The following ZNF345 variants were observed in gnomAD, a reference collection of about 807,000 sequenced individuals.
ZNF345 encodes zinc finger protein 345.
For synonymous variants in ZNF345, 166 were observed against 187.9 expected (o/e 0.88, Z 0.95); for missense variants, 527 against 589.9 (o/e 0.89, Z 1.10).
At chr19:36,864,987 C>A (rs1031722461) in intron 2 of ZNF345, among the ~76,000 whole-genome samples, 1 of 152,132 alleles carries the variant, frequency 6.6e-6, no homozygotes, top group African/African-American at 2.4e-5. Context: ...GCATTTGCTA[C>A]AAAACTTTCA....
chr19:36,882,229 C>G (rs986259098), downstream of ZNF345, among the ~76,000 whole-genome samples: 2 of 151,988 alleles, frequency 1.3e-5, no homozygotes, highest in South Asian at 4.1e-4. Flanking sequence ...GCATTTAAGG[C>G]TACAAGATTT....
intron 2 of ZNF345, among the ~76,000 whole-genome samples, chr19:36,875,774 C>T (rs143349143): frequency 5.2e-4 from 79 of 152,238 alleles, no homozygotes; most frequent in African/African-American, 1.9e-3. Flanking sequence ...AGATTGGTGC[C>T]GAATGTTTTC....
At chr19:36,871,736 A>C (rs1374738519) in intron 2 of ZNF345, among the ~76,000 whole-genome samples, 1 of 151,758 alleles carries the variant, frequency 6.6e-6, no homozygotes, top group African/African-American at 2.4e-5. Context: ...AATCTGGAGC[A>C]GTCTCTCATT....
intron 2 of ZNF345, among the ~76,000 whole-genome samples, chr19:36,874,094 C>T (rs58571457): frequency 0.017 from 2,600 of 152,294 alleles, 83 homozygotes; most frequent in African/African-American, 0.059. Context: ...GCAGCATAAA[C>T]CGTACACTTT....
downstream of ZNF345, among the ~76,000 whole-genome samples, chr19:36,884,564 T>C (rs1472675668): frequency 6.6e-6 from 1 of 152,198 alleles, no homozygotes; most frequent in African/African-American, 2.4e-5. Flanking sequence ...GCCTTTGGTT[T>C]CCAGTGTTTT....
intron 3 of ZNF345, among the ~76,000 whole-genome samples, chr19:36,886,759 G>A (rs1436012182): frequency 2.0e-5 from 3 of 151,864 alleles, no homozygotes; most frequent in South Asian, 2.1e-4. Flanking sequence ...AGGCCGAGGC[G>A]GGCGGATCAC....
chr19:36,880,222 A>G (rs546305758), downstream of ZNF345, among the ~76,000 whole-genome samples: 1 of 151,990 alleles, frequency 6.6e-6, no homozygotes, highest in African/African-American at 2.4e-5. Flanking sequence ...CGGGAGTCTG[A>G]GGCATAAGGA....
intron 3 of ZNF345, chr19:36,889,806 A>G (rs921695527): frequency 1.3e-5 from 2 of 152,018 alleles, no homozygotes; most frequent in African/African-American, 4.8e-5. Flanking sequence ...TTCTTCTGCC[A>G]GCTTTGGGTT....
intron 2 of ZNF345, among the ~76,000 whole-genome samples, chr19:36,870,712 T>C (rs1439520309): frequency 6.6e-6 from 1 of 152,220 alleles, no homozygotes; most frequent in African/African-American, 2.4e-5. Flanking sequence ...TCCTGGTCTT[T>C]GGTTTATACC....
intron 2 of ZNF345, among the ~76,000 whole-genome samples, chr19:36,854,250 T>TTTTTA (rs397718003): frequency 3.4e-4 from 51 of 151,662 alleles, no homozygotes; most frequent in Admixed American, 9.9e-4. Context: ...TTTTTTTTTT[T>TTTTTA]ATTGAGCACC....
chr19:36,860,027 G>A (rs1049494727), intron 2 of ZNF345, among the ~76,000 whole-genome samples: 9 of 151,840 alleles, frequency 5.9e-5, no homozygotes, highest in African/African-American at 9.7e-5. Flanking sequence ...GCGTGATCTC[G>A]GCTCACTGCA....
chr19:36,869,239 GCA>G (rs2072726423), intron 2 of ZNF345, among the ~76,000 whole-genome samples: 1 of 151,276 alleles, frequency 6.6e-6, no homozygotes, highest in Admixed American at 6.6e-5. Flanking sequence ...ATTCAGGAAA[GCA>G]CTACACTTAA....
At chr19:36,855,517 T>C (rs1416528913) in intron 2 of ZNF345, among the ~76,000 whole-genome samples, 2 of 144,306 alleles carry the variant, frequency 1.4e-5, no homozygotes, top group Non-Finnish European at 3.0e-5. Flanking sequence ...TGCAATGATG[T>C]GATCTCGGTT....
chr19:36,891,226 A>G, intron 3 of ZNF345: 1 of 337,474 alleles, frequency 3.0e-6, no homozygotes, highest in Non-Finnish European at 5.3e-6. Flanking sequence ...GTTAGGAAAA[A>G]GGCATAGAAC....
chr19:36,869,610 G>C (rs1484595399), intron 2 of ZNF345, among the ~76,000 whole-genome samples: 1 of 152,146 alleles, frequency 6.6e-6, no homozygotes, highest in African/African-American at 2.4e-5. Context: ...ATAAACTCAG[G>C]TGTGATCCAT....
intron 2 of ZNF345, among the ~76,000 whole-genome samples, chr19:36,864,977 G>A (rs1410495132): frequency 1.3e-5 from 2 of 152,148 alleles, no homozygotes; most frequent in African/African-American, 4.8e-5. Flanking sequence ...CTTACCAGAA[G>A]CATTTGCTAC....
chr19:36,853,245 CTTTTTTTTTTTTT>C (rs902150512), intron 2 of ZNF345, among the ~76,000 whole-genome samples: 5 of 106,534 alleles, frequency 4.7e-5, no homozygotes, highest in Admixed American at 1.9e-4. Context: ...TTCTTTCTTT[CTTTTTTTTTTTTT>C]TTTTTTTGAC....
At chr19:36,882,566 C>T (rs535042684), downstream of ZNF345, among the ~76,000 whole-genome samples, 11 of 152,174 alleles carry the variant, frequency 7.2e-5, no homozygotes, top group South Asian at 2.3e-3. Context: ...TGCACCTGGC[C>T]CCATAGTTTT....
intron 2 of ZNF345, among the ~76,000 whole-genome samples, chr19:36,856,559 T>G (rs2072422553): frequency 6.6e-6 from 1 of 152,206 alleles, no homozygotes; most frequent in African/African-American, 2.4e-5. Flanking sequence ...TGTCACTTCT[T>G]AAGATTGTTG....
Sources: gnomAD v4.1 joint callset for allele counts (sites outside exome capture counted in the v4.1 genomes callset) on GRCh38, gnomAD v4.1.1 for gene constraint, MANE v1.5 for transcripts, NCBI Gene and HGNC (gene_info 2026-07-23, HGNC 2026-07-21) for gene names.